Variants in TERF2 observed in about 807,000 individuals in gnomAD.
TERF2 encodes the protein telomeric repeat-binding factor 2.
TERF2 carries 16 observed loss-of-function variants against 56.1 expected under a neutral mutation model. That is an observed-to-expected ratio of 0.29 (90% CI 0.19 to 0.43). TERF2 has a LOEUF of 0.43. Among genes scored for constraint, TERF2 ranks in the 20% least tolerant of loss-of-function variants. The pLI is 1.00. For synonymous variants in TERF2, 296 were observed against 282.1 expected (o/e 1.05, Z -0.50); for missense variants, 547 against 712.9 (o/e 0.77, Z 2.65).
chr16:69,370,077 C>A (rs1358193556), intron 5 of TERF2: 1 of 197,282 alleles, frequency 5.1e-6, no homozygotes, highest in Non-Finnish European at 1.0e-5. Flanking sequence ...GTTGTCCAGG[C>A]TGGAGTGCAA....
rs551820624 is a variant in TERF2, at chr16:69,355,690, G to A, written c.*1208C>T. 6 of 152,808 alleles carry A rather than the reference G, an allele frequency of 3.9e-5. No homozygotes were observed. The highest frequency in any genetic ancestry group is 7.2e-5 in the African/African-American group (3 of 41,444). 9.5% of individuals were successfully genotyped at this position (152,808 alleles called of 1,614,324 possible). On this transcript the variant is annotated 3_prime_UTR_variant, in exon 10 of 10. Transcript: ENST00000254942. ...TTTTTGCTAAAAAGACAGTCTTTAA[G>A]GGTGTCCGGGAGAGACAGCAAGCAC... is the stretch of plus-strand genomic sequence containing the variant.
intron 3 of TERF2, among the ~76,000 whole-genome samples, chr16:69,381,487 T>C (rs1340858601): frequency 6.6e-6 from 1 of 152,050 alleles, no homozygotes; most frequent in Non-Finnish European, 1.5e-5. Context: ...TTATTTTTTT[T>C]TTTTTCTTTT....
intron 3 of TERF2, among the ~76,000 whole-genome samples, chr16:69,379,805 T>C (rs368779236): frequency 2.0e-5 from 3 of 152,232 alleles, no homozygotes; most frequent in African/African-American, 7.2e-5. Context: ...AAGGGTGACA[T>C]TTGTTTTTCA....
Position 69,356,810 on chromosome 16 carries a change from A to AG in TERF2, c.*87_*88insC, listed in dbSNP as rs1567441448. ...GCGAGACTCTGTCTCAAAAAAAAAA[A>AG]AAAAAGAAAAAGAAAGAAAGAGCAG... On this transcript the variant is annotated 3_prime_UTR_variant, in exon 10 of 10. Transcript: ENST00000254942. 9.0e-6 allele frequency: 13 copies of AG among 1,450,036 alleles called. No individual in the cohort carries two copies. The highest frequency in any genetic ancestry group is 1.2e-5 in the Non-Finnish European group (13 of 1,091,260). 89.8% of individuals were successfully genotyped at this position (1,450,036 alleles called of 1,614,324 possible).
rs547099756 is a variant in TERF2, at chr16:69,367,048, C to T, written c.1099G>A (p.Ala367Thr). ...LPTQALPASPALKNKRPRKDE... is the reference protein window; with the variant it reads ...LPTQALPASPTLKNKRPRKDE... Reference sequence around the variant, plus strand: ...TTTCTGGGTCTCTTGTTTTTGAGGGCTGGTGATGCTGGGAGAGCTTGAGTA... The same window carrying T: ...TTTCTGGGTCTCTTGTTTTTGAGGGTTGGTGATGCTGGGAGAGCTTGAGTA... Residue 367 changes from alanine to threonine, a missense_variant, in exon 7 of 10, where the codon GCC (alanine) becomes ACC (threonine). By Grantham distance (58) the Ala-to-Thr change is moderately conservative. This residue lies in a region of TERF2 where 211 missense variants were observed against 236.8 expected (regional missense o/e 0.89). Coordinates refer to ENST00000254942, the MANE Select transcript of TERF2 (RefSeq NM_005652.5). 62 of 1,614,202 alleles carry T rather than the reference C, an allele frequency of 3.8e-5. 1 individual carries two copies. The South Asian group carries it at 6.0e-4, about 16-fold the overall frequency.
chr16:69,369,109 A>AACTCCATCTGTTCATCTGTCTCCCTCT (rs759211617), intron 5 of TERF2, among the ~76,000 whole-genome samples: 1 of 149,142 alleles, frequency 6.7e-6, no homozygotes, highest in African/African-American at 2.5e-5. Context: ...TAGGCTAATC[A>AACTCCATCTGTTCATCTGTCTCCCTCT]GGGCTCTTTG....
At chr16:69,385,320 G>C (rs919690381) in intron 2 of TERF2, 71 bp downstream of exon 2, 3 of 1,329,664 alleles carry the variant, frequency 2.3e-6, no homozygotes, top group African/African-American at 1.4e-5. Flanking sequence ...GAATCCTTCA[G>C]TTCTAGATAT....
At chr16:69,372,691 C>G (rs754916012) in intron 3 of TERF2, among the ~76,000 whole-genome samples, 1 of 151,900 alleles carries the variant, frequency 6.6e-6, no homozygotes, top group Non-Finnish European at 1.5e-5. Context: ...GAACCTGGGA[C>G]GCAGAGGTTG....
At chr16:69,363,398 C>A (rs997831035) in intron 7 of TERF2, among the ~76,000 whole-genome samples, 4 of 152,160 alleles carry the variant, frequency 2.6e-5, no homozygotes, top group Non-Finnish European at 5.9e-5. Context: ...GGTGATTTCG[C>A]AAGACCTCTG....
chr16:69,373,624 G>C (rs1048892588), intron 3 of TERF2, among the ~76,000 whole-genome samples: 5 of 152,096 alleles, frequency 3.3e-5, no homozygotes, highest in African/African-American at 9.7e-5. Flanking sequence ...TTGAGCTCAG[G>C]AGTTTGAGAC....
intron 3 of TERF2, among the ~76,000 whole-genome samples, chr16:69,383,895 G>T (rs1217059242): frequency 3.3e-5 from 5 of 152,056 alleles, no homozygotes; most frequent in African/African-American, 1.2e-4. Context: ...CCCAGCCTTG[G>T]TTTTGGGGGA....
At chr16:69,358,003 C>G (rs1467436522) in intron 8 of TERF2, among the ~76,000 whole-genome samples, 1 of 149,836 alleles carries the variant, frequency 6.7e-6, no homozygotes, top group Non-Finnish European at 1.5e-5. Context: ...CCACCACGCC[C>G]GGCTAATTTT....
At chr16:69,364,115 G>GAA (rs2013250906) in intron 7 of TERF2, among the ~76,000 whole-genome samples, 1 of 152,192 alleles carries the variant, frequency 6.6e-6, no homozygotes, top group Non-Finnish European at 1.5e-5. Context: ...TAACATGCAA[G>GAA]AACAAAGAAT....
chr16:69,365,829 G>A (rs954441859), intron 7 of TERF2: 8 of 152,246 alleles, frequency 5.3e-5, no homozygotes, highest in African/African-American at 1.9e-4. Flanking sequence ...CCCAGCCTGA[G>A]GAAGGAGAAT....
intron 4 of TERF2, 44 bp downstream of exon 4, chr16:69,372,225 T>A: frequency 7.3e-7 from 1 of 1,365,442 alleles, no homozygotes; most frequent in African/African-American, 1.5e-5. Context: ...CAAAAAGCAA[T>A]GAGATGAATT....
chr16:69,357,494 A>C, intron 9 of TERF2, 24 bp downstream of exon 9: 1 of 1,603,370 alleles, frequency 6.2e-7, no homozygotes, highest in South Asian at 1.1e-5. Flanking sequence ...ATAACCAGTA[A>C]CAGAAAAGAG....
Position 69,356,070 on chromosome 16 carries a change from A to C in TERF2, c.*828T>G. The C allele has an allele frequency of 5.3e-6, 2 of 380,496 alleles. No individual in the cohort carries two copies. The highest frequency in any genetic ancestry group is 4.0e-5 in the South Asian group (2 of 50,350). 23.6% of individuals were successfully genotyped at this position (380,496 alleles called of 1,614,324 possible). A position where few individuals can be genotyped will look rare whatever the true frequency, so the allele number is the denominator to read the frequency against. ...TCTAGGGTTGATGTCACGACTGGCTAAAGAGTTTTTAAAGGGAATCTTATT... is the reference window on the plus strand; with the variant it reads ...TCTAGGGTTGATGTCACGACTGGCTCAAGAGTTTTTAAAGGGAATCTTATT... On this transcript the variant is annotated 3_prime_UTR_variant, in exon 10 of 10. Transcript: ENST00000254942.
intron 3 of TERF2, among the ~76,000 whole-genome samples, chr16:69,381,168 G>T (rs1377674438): frequency 6.6e-6 from 1 of 152,100 alleles, no homozygotes; most frequent in Non-Finnish European, 1.5e-5. Flanking sequence ...CTAAGTATTG[G>T]GAAGCTATCA....
chr16:69,356,527 G>A lies in TERF2; in HGVS notation c.*371C>T, dbSNP rs1272115254. Reference sequence around the variant, plus strand: ...CTGAAAGAAACAGCAGATGCCAGGCGCGGTGGCTCATGCCTGTAATCCCAG... The same window carrying A: ...CTGAAAGAAACAGCAGATGCCAGGCACGGTGGCTCATGCCTGTAATCCCAG... On this transcript the variant is annotated 3_prime_UTR_variant, in exon 10 of 10. Transcript: ENST00000254942. 19 of 267,120 alleles carry A rather than the reference G, an allele frequency of 7.1e-5. No homozygotes were observed. Among genetic ancestry groups the A allele is most frequent in the South Asian group, 6.0e-4 (16 of 26,448 alleles). 16.5% of individuals were successfully genotyped at this position (267,120 alleles called of 1,614,324 possible).
Sources: allele counts gnomAD v4.1 joint callset (sites outside exome capture counted in the v4.1 genomes callset), GRCh38; gene constraint gnomAD v4.1.1; regional missense constraint gnomAD v4.1.1; transcripts MANE v1.5; gene names NCBI Gene and HGNC (gene_info 2026-07-23, HGNC 2026-07-21).